Variants in CSF2RA observed in about 807,000 individuals in gnomAD.
The protein encoded by CSF2RA is colony stimulating factor 2 receptor subunit alpha, also known as granulocyte-macrophage colony-stimulating factor receptor subunit alpha.
A neutral mutation model predicts 51.6 loss-of-function variants in CSF2RA; 42 were observed. The ratio of observed to expected loss-of-function variants is 0.81; its 90% CI spans 0.64 to 1.05. The LOEUF is 1.05. Ranked by LOEUF, CSF2RA falls within the 50% of genes least tolerant of loss-of-function variation. The probability of loss-of-function intolerance (pLI) is 0.00; values close to 1 mark genes in which losing one functional copy is unlikely to be tolerated. For missense variants in CSF2RA, 530 were observed against 501.1 expected (o/e 1.06, Z -0.55); for synonymous variants, 222 against 193.0 (o/e 1.15, Z -1.24).
chrX:1,294,851 C>CATGGAG (rs2091766599), intron 8 of CSF2RA, among the ~76,000 whole-genome samples: 1 of 142,762 alleles, frequency 7.0e-6, no homozygotes, highest in Non-Finnish European at 1.6e-5. Context: ...ACCCCACCTC[C>CATGGAG]ACCTACACCC....
chrX:1,287,206 T>G (rs75038589), intron 4 of CSF2RA: 1 of 145,560 alleles, frequency 6.9e-6, no homozygotes, highest in Non-Finnish European at 1.5e-5. Context: ...CAGGCTGGAG[T>G]ACACTGGTGT....
intron 2 of CSF2RA, among the ~76,000 whole-genome samples, chrX:1,276,005 T>G (rs73618026): frequency 0.037 from 5,547 of 151,482 alleles, 352 homozygotes; most frequent in African/African-American, 0.13. Flanking sequence ...TTTATTTTAT[T>G]TGTTTTATTT....
chrX:1,320,068 T>C, the CSF2RA span, among the ~76,000 whole-genome samples: 1 of 152,006 alleles, frequency 6.6e-6, no homozygotes, highest in Non-Finnish European at 1.5e-5. Flanking sequence ...GCTAATTTTT[T>C]GCATTTTTAG....
At chrX:1,315,122 G>T (rs186463386), downstream of CSF2RA, among the ~76,000 whole-genome samples, 6,278 of 152,100 alleles carry the variant, frequency 0.041, 297 homozygotes, top group East Asian at 0.21. Context: ...GTCACACTGT[G>T]GGGGGGAGGG....
At chrX:1,282,031 T>TAAAAAAAAAAAAAAAAAAAAAAAA (rs1202643478) in intron 2 of CSF2RA, 2 of 61,148 alleles carry the variant, frequency 3.3e-5, no homozygotes. Context: ...CTGTTTCTAC[T>TAAAAAAAAAAAAAAAAAAAAAAAA]AAAAAAAAAA....
intron 10 of CSF2RA, among the ~76,000 whole-genome samples, chrX:1,302,594 T>G (rs1449776206): frequency 6.6e-6 from 1 of 152,066 alleles, no homozygotes; most frequent in African/African-American, 2.4e-5. Flanking sequence ...AACCTCTGCC[T>G]CCTGGGTTCA....
intron 12 of CSF2RA, chrX:1,305,870 C>G: frequency 1.5e-6 from 2 of 1,359,288 alleles, no homozygotes; most frequent in Non-Finnish European, 2.0e-6. Flanking sequence ...CATCTGAGGT[C>G]AGAGGTTCGA....
intron 2 of CSF2RA, among the ~76,000 whole-genome samples, chrX:1,280,272 G>C (rs746879734): frequency 6.6e-6 from 1 of 152,108 alleles, no homozygotes; most frequent in Non-Finnish European, 1.5e-5. Flanking sequence ...AGGAGTTCGA[G>C]CCCAGCCTGG....
rs1603426236 is a variant in CSF2RA at position 1,285,868 on chromosome X, C to A, written c.167C>A (p.Thr56Asn). Reference protein sequence around the residue: ...NLSWDCQENTTFSKCFLTDKK... With the variant: ...NLSWDCQENTNFSKCFLTDKK... ...AGCTGGGACTGCCAAGAAAACACAA[C>A]CTTCAGCAAGTGTTTCTTAACTGAC... The change falls in exon 4 of 13, where the codon ACC becomes AAC. Residue 56 changes from threonine (T) to asparagine (N), a missense_variant. Thr to Asn is a moderately conservative substitution (Grantham distance 65). Transcript: ENST00000381529. 1.2e-6 allele frequency: 2 copies of A among 1,613,908 alleles called. No individual in the cohort carries two copies. Among genetic ancestry groups the A allele is most frequent in the Admixed American group, 1.7e-5 (1 of 59,984 alleles).
chrX:1,323,705 G>C, the CSF2RA span, among the ~76,000 whole-genome samples: 13 of 151,466 alleles, frequency 8.6e-5, no homozygotes, highest in Admixed American at 8.6e-4. Context: ...GCAACATAGT[G>C]AGACCCCCAT....
intron 9 of CSF2RA, among the ~76,000 whole-genome samples, chrX:1,299,429 A>G (rs2092226815): frequency 2.0e-5 from 3 of 151,940 alleles, no homozygotes. Context: ...TTATTTATGT[A>G]TGTATTTATT....
chrX:1,285,719 A>AG, intron 3 of CSF2RA, 59 bp from the exon 4 acceptor site: 1 of 1,358,516 alleles, frequency 7.4e-7, no homozygotes. Flanking sequence ...AAAAAAAAAA[A>AG]AAAAAAAAAA....
Position 1,300,592 on chromosome X carries a change from G to A in CSF2RA, c.912G>A (p.Leu304=). The A allele has an allele frequency of 6.2e-7, 1 of 1,613,904 alleles. No individual in the cohort carries two copies. Among genetic ancestry groups the A allele is most frequent in the Non-Finnish European group, 8.5e-7 (1 of 1,179,850 alleles). The change falls in exon 10 of 13, where the codon TTG becomes TTA. Residue 304 remains leucine, a synonymous_variant. Coordinates refer to ENST00000381529, the MANE Select transcript of CSF2RA (RefSeq NM_172245.4). ...TCAGAGCTGCAGACGTCCGCATCTTGAATTGGAGCTCCTGGAGTGAAGCCA... is the reference window on the plus strand; with the variant it reads ...TCAGAGCTGCAGACGTCCGCATCTTAAATTGGAGCTCCTGGAGTGAAGCCA... ...VKIRAADVRI[L]NWSSWSEAIE...
At position 1,288,560 on chromosome X, in the gene CSF2RA, T is replaced by C; in HGVS notation, c.261T>C (p.Cys87=). Residue 87 remains cysteine, a synonymous_variant, in exon 5 of 13, where the codon TGT becomes TGC. Coordinates refer to ENST00000381529, the MANE Select transcript of CSF2RA (RefSeq NM_172245.4). ...NECSCTFREI[C]LHEGVTFEVH... ...GTTCGTGCACATTTCGTGAAATTTG[T>C]CTGCATGAAGGAGTCACATTTGAGG... The C allele has an allele frequency of 6.2e-7, 1 of 1,613,940 alleles. No individual in the cohort carries two copies. Among genetic ancestry groups the C allele is most frequent in the East Asian group, 2.2e-5 (1 of 44,886 alleles).
chrX:1,299,096 A>G (rs1320673064), intron 9 of CSF2RA, among the ~76,000 whole-genome samples: 1 of 152,172 alleles, frequency 6.6e-6, no homozygotes, highest in Non-Finnish European at 1.5e-5. Flanking sequence ...CTCACTGGGC[A>G]GGGTCTGCTC....
At chrX:1,299,592 C>T (rs1441938784) in intron 9 of CSF2RA, among the ~76,000 whole-genome samples, 6 of 151,810 alleles carry the variant, frequency 4.0e-5, no homozygotes. Flanking sequence ...AGGCACCCAC[C>T]CCCACACCTG....
chrX:1,308,882 C>G (rs2083940627), intron 12 of CSF2RA, among the ~76,000 whole-genome samples: 1 of 152,180 alleles, frequency 6.6e-6, no homozygotes, highest in South Asian at 2.1e-4. Flanking sequence ...CCACCCTGTT[C>G]ATCGTCAACT....
chrX:1,288,751 C>A lies in CSF2RA; in HGVS notation c.344-8C>A. ...AGTGAAAATTATTTTGTTTCTACCTCTTCCCAGGAAGGGAGGGTACCGCTG... is the reference window on the plus strand; with the variant it reads ...AGTGAAAATTATTTTGTTTCTACCTATTCCCAGGAAGGGAGGGTACCGCTG... On this transcript the variant is annotated splice_region_variant and splice_polypyrimidine_tract_variant and intron_variant, in intron 5 of 12. Coordinates refer to ENST00000381529, the MANE Select transcript of CSF2RA (RefSeq NM_172245.4). The A allele has an allele frequency of 1.2e-6, 2 of 1,613,962 alleles. No individual in the cohort carries two copies.
chrX:1,321,091 T>G, the CSF2RA span, among the ~76,000 whole-genome samples: 354 of 150,810 alleles, frequency 2.3e-3, 1 homozygote, highest in South Asian at 5.5e-3. Flanking sequence ...TGACCCACCC[T>G]CCTCGGCCTC....
Sources: allele counts gnomAD v4.1 joint callset (sites outside exome capture counted in the v4.1 genomes callset), GRCh38; gene constraint gnomAD v4.1.1; transcripts MANE v1.5; gene names NCBI Gene and HGNC (gene_info 2026-07-23, HGNC 2026-07-21).